Variants in ZNF618 observed in about 807,000 individuals in gnomAD.
ZNF618 encodes the protein neural precursor cell expressed, developmentally down-regulated 10.
Under a neutral mutation model 103.0 loss-of-function variants are expected in ZNF618, and 34 were observed. The observed-to-expected ratio is 0.33, with a 90% confidence interval of 0.25 to 0.44. The LOEUF is 0.44. Among genes scored for constraint, ZNF618 ranks in the 20% least tolerant of loss-of-function variants. ZNF618 has a pLI of 1.00. For missense variants in ZNF618, 1,059 were observed against 1,295.4 expected (o/e 0.82, Z 2.80); for synonymous variants, 551 against 542.2 (o/e 1.02, Z -0.23).
In ZNF618 at chr9:114,050,140, C is replaced by T. The variant is rs1564354032; in HGVS notation, c.2838C>T (p.Leu946=). ...TCAGTCCAGAAGATATGAATAAACT[C>T]ATGTTTCTGAAATCCAACATGCTTT... The part of the protein sequence containing the change: ...RLLSPEDMNK[L]MFLKSNML The change falls in exon 15 of 15, where the codon CTC becomes CTT. Residue 946 remains leucine, a synonymous_variant. Transcript: ENST00000374126. 3.8e-6 allele frequency: 6 copies of T among 1,562,734 alleles called. No homozygotes were observed. Among genetic ancestry groups the T allele is most frequent in the Admixed American group, 1.8e-5 (1 of 54,186 alleles).
intron 1 of ZNF618, among the ~76,000 whole-genome samples, chr9:113,893,705 T>A (rs958556685): frequency 3.9e-5 from 6 of 152,176 alleles, no homozygotes; most frequent in African/African-American, 1.4e-4. Context: ...GTTGAACATT[T>A]AGGTTGGTTC....
At chr9:113,883,399 G>T (rs981724622) in intron 1 of ZNF618, among the ~76,000 whole-genome samples, 12 of 152,214 alleles carry the variant, frequency 7.9e-5, no homozygotes, top group African/African-American at 2.7e-4. Context: ...CCAGATGCCT[G>T]ATTTGCAGGT....
intron 3 of ZNF618, among the ~76,000 whole-genome samples, chr9:113,993,935 A>G (rs1274145022): frequency 6.6e-6 from 1 of 152,204 alleles, no homozygotes; most frequent in East Asian, 1.9e-4. Flanking sequence ...TGATCATGGG[A>G]ACTGTTTGGT....
At chr9:113,918,734 T>C (rs1476230936) in intron 1 of ZNF618, among the ~76,000 whole-genome samples, 1 of 152,172 alleles carries the variant, frequency 6.6e-6, no homozygotes, top group Admixed American at 6.5e-5. Flanking sequence ...TTTGAACAAG[T>C]CCCTGTCATT....
At chr9:113,961,427 G>A (rs971669077) in intron 1 of ZNF618, among the ~76,000 whole-genome samples, 12 of 152,138 alleles carry the variant, frequency 7.9e-5, no homozygotes, top group Admixed American at 7.9e-4. Context: ...ATTCATCTTC[G>A]TATCCTCCAC....
intron 10 of ZNF618, among the ~76,000 whole-genome samples, chr9:114,023,359 CACATT>C (rs1295582907): frequency 1.1e-4 from 16 of 152,012 alleles, no homozygotes; most frequent in Admixed American, 4.6e-4. Context: ...TATATCATAA[CACATT>C]ACATATAATA....
At chr9:113,877,881 C>G (rs1472093901) in intron 1 of ZNF618, among the ~76,000 whole-genome samples, 1 of 151,974 alleles carries the variant, frequency 6.6e-6, no homozygotes, top group African/African-American at 2.4e-5. Flanking sequence ...GCATAATTAA[C>G]ATTATTATGA....
At chr9:113,885,906 C>CTA (rs1829025589) in intron 1 of ZNF618, among the ~76,000 whole-genome samples, 1 of 152,182 alleles carries the variant, frequency 6.6e-6, no homozygotes, top group Admixed American at 6.5e-5. Context: ...ATGAGGCTTT[C>CTA]TATATAAGCT....
At chr9:114,036,781 G>A (rs1844652147) in intron 13 of ZNF618, among the ~76,000 whole-genome samples, 1 of 152,216 alleles carries the variant, frequency 6.6e-6, no homozygotes, top group Admixed American at 6.5e-5. Context: ...GCAGCCCAAG[G>A]CAAGCTGGGC....
At chr9:114,033,174 C>A (rs1474096665) in intron 12 of ZNF618, among the ~76,000 whole-genome samples, 1 of 152,158 alleles carries the variant, frequency 6.6e-6, no homozygotes, top group Non-Finnish European at 1.5e-5. Context: ...CTTTGGGAGG[C>A]CAAGGTGGGT....
intron 2 of ZNF618, among the ~76,000 whole-genome samples, chr9:113,985,599 CT>C (rs1455757691): frequency 6.6e-6 from 1 of 152,230 alleles, no homozygotes; most frequent in African/African-American, 2.4e-5. Flanking sequence ...AGGGAACCTA[CT>C]GTCCTCCTGC....
At chr9:113,881,903 A>G (rs1402361726) in intron 1 of ZNF618, among the ~76,000 whole-genome samples, 3 of 152,222 alleles carry the variant, frequency 2.0e-5, no homozygotes, top group African/African-American at 4.8e-5. Flanking sequence ...AAAATGACAA[A>G]TGATGGCTAG....
chr9:114,034,416 A>G (rs146001485), intron 12 of ZNF618, among the ~76,000 whole-genome samples: 106 of 152,320 alleles, frequency 7.0e-4, no homozygotes, highest in African/African-American at 2.5e-3. Flanking sequence ...ACAATCGGGA[A>G]CGATAGCGCA....
chr9:113,901,114 C>G lies in ZNF618; in HGVS notation c.33+24701C>G, dbSNP rs564653366. Among the ~76,000 whole-genome samples, 8 of 142,136 alleles carry G rather than the reference C, an allele frequency of 5.6e-5. No individual in the cohort carries two copies. The Admixed American group carries it at 5.7e-4, about 10-fold the overall frequency. 93.2% of individuals were successfully genotyped at this position (142,136 alleles called of 152,430 possible). A position where few individuals can be genotyped will look rare whatever the true frequency, so the allele number is the denominator to read the frequency against. On this transcript the variant is annotated intron_variant, in intron 1 of 14. Coordinates refer to ENST00000374126, the MANE Select transcript of ZNF618 (RefSeq NM_001318042.2). ...GCACCGTCCTCTCCCGCAAACCCGA[C>G]CTCCTGTCTCCTAGCACCGTCTTCT...
In ZNF618 at chr9:114,007,434, T is replaced by C; in HGVS notation, c.635T>C (p.Val212Ala). 3.1e-6 allele frequency: 5 copies of C among 1,612,262 alleles called. No individual in the cohort carries two copies. Among genetic ancestry groups the C allele is most frequent in the Non-Finnish European group, 4.2e-6 (5 of 1,179,496 alleles). ...CAAGAGCACCGAGACCTGCACGCAG[T>C]GGATGGTGAGTCAGGCCCCTCACTC... ...CFQEHRDLHA[V>A]DVFSVEGAPE... Residue 212 changes from valine (V) to alanine (A), a missense_variant, in exon 7 of 15, where the codon GTG becomes GCG. Physicochemically the swap from Val to Ala is moderately conservative, Grantham distance 64. Coordinates refer to ENST00000374126, the MANE Select transcript of ZNF618 (RefSeq NM_001318042.2).
chr9:114,000,411 T>C (rs1219346941), intron 4 of ZNF618, among the ~76,000 whole-genome samples: 1 of 152,208 alleles, frequency 6.6e-6, no homozygotes, highest in Non-Finnish European at 1.5e-5. Context: ...CGTGACCGCA[T>C]GTGGACCAGG....
chr9:113,920,872 T>C (rs867032863), intron 1 of ZNF618, among the ~76,000 whole-genome samples: 2 of 152,390 alleles, frequency 1.3e-5, no homozygotes, highest in Middle Eastern at 3.4e-3. Context: ...CAGTTTGCCA[T>C]GTGGCTAGTT....
chr9:113,951,402 C>A (rs375437523), intron 1 of ZNF618, among the ~76,000 whole-genome samples: 1 of 33,590 alleles, frequency 3.0e-5, no homozygotes, highest in Non-Finnish European at 6.7e-5. Context: ...TATATATATA[C>A]GTATATATAC....
At position 113,988,288 on chromosome 9, in the gene ZNF618, A is replaced by G. The variant is rs777621146; in HGVS notation, c.78-33A>G. The stretch of plus-strand genomic sequence containing the variant: ...TGGGCTCCTGTGTTGATCTGGAGGA[A>G]GAAGGTATTGAACGGAGTTTCTTCT... On this transcript the variant is annotated intron_variant, in intron 2 of 14. Transcript: ENST00000374126. 5 of 1,588,774 alleles carry G rather than the reference A, an allele frequency of 3.1e-6. No individual in the cohort carries two copies. In the Admixed American group the frequency reaches 6.8e-5, roughly 22 times the overall value.
Sources: allele counts gnomAD v4.1 joint callset (sites outside exome capture counted in the v4.1 genomes callset), GRCh38; gene constraint gnomAD v4.1.1; transcripts MANE v1.5; gene names NCBI Gene and HGNC (gene_info 2026-07-23, HGNC 2026-07-21).